Variants in PLXDC2 observed in about 807,000 individuals in gnomAD.
The protein encoded by PLXDC2 is plexin domain-containing protein 2.
PLXDC2 carries 40 observed loss-of-function variants against 68.9 expected under a neutral mutation model. The observed-to-expected ratio is 0.58, with a 90% CI of 0.45 to 0.76. PLXDC2 has a LOEUF of 0.76. PLXDC2 is among the 30% of genes least tolerant of loss of function. The probability of loss-of-function intolerance (pLI) is 0.00; values close to 1 mark genes in which losing one functional copy is unlikely to be tolerated. For missense variants in PLXDC2, 644 were observed against 661.9 expected (o/e 0.97, Z 0.30); for synonymous variants, 243 against 234.2 (o/e 1.04, Z -0.34).
chr10:20,276,423 G>C (rs1836007781), intron 13 of PLXDC2, among the ~76,000 whole-genome samples: 1 of 152,180 alleles, frequency 6.6e-6, no homozygotes. Context: ...ACTGAAGCAA[G>C]AATTAGGGAG....
At chr10:20,004,623 T>C (rs1834996604) in intron 2 of PLXDC2, among the ~76,000 whole-genome samples, 1 of 152,160 alleles carries the variant, frequency 6.6e-6, no homozygotes, top group African/African-American at 2.4e-5. Context: ...CCTAAGTATG[T>C]AAAGACTTTT....
At chr10:20,243,783 G>A (rs1835551263) in intron 12 of PLXDC2, among the ~76,000 whole-genome samples, 2 of 152,252 alleles carry the variant, frequency 1.3e-5, no homozygotes, top group South Asian at 2.1e-4. Context: ...TTGAGGCCGG[G>A]TGCAAAGGCT....
chr10:20,143,446 G>T lies in PLXDC2; in HGVS notation c.664+29G>T, dbSNP rs1834032712. 2.5e-6 allele frequency: 4 copies of T among 1,608,620 alleles called. No individual in the cohort carries two copies. In the African/African-American group the frequency reaches 5.4e-5, roughly 22 times the overall value. On this transcript the variant is annotated intron_variant, in intron 5 of 13. Coordinates refer to ENST00000377252, the MANE Select transcript of PLXDC2 (RefSeq NM_032812.9). ...TGTGTTGAGTAGCCTATTTTTTGCT[G>T]CATGTATATTTTTAAACCTCAAGCA...
intron 4 of PLXDC2, among the ~76,000 whole-genome samples, chr10:20,098,346 C>CGCGTGTGTGTGT (rs1554766417): frequency 9.7e-6 from 1 of 103,060 alleles, no homozygotes; most frequent in African/African-American, 3.3e-5. Context: ...CATTTTCGTG[C>CGCGTGTGTGTGT]GTGTGTGTGT....
intron 1 of PLXDC2, among the ~76,000 whole-genome samples, chr10:19,973,231 T>C (rs1201354022): frequency 1.3e-5 from 2 of 150,030 alleles, no homozygotes; most frequent in African/African-American, 4.9e-5. Context: ...CGTATATATA[T>C]GTATATACAC....
chr10:20,275,434 T>C (rs1835993551), intron 13 of PLXDC2, among the ~76,000 whole-genome samples: 1 of 152,118 alleles, frequency 6.6e-6, no homozygotes, highest in South Asian at 2.1e-4. Flanking sequence ...GATTTAGTTC[T>C]GTAGTTTCCA....
chr10:20,012,480 T>A (rs1444279910), intron 2 of PLXDC2, among the ~76,000 whole-genome samples: 1 of 128,936 alleles, frequency 7.8e-6, no homozygotes, highest in African/African-American at 2.6e-5. Flanking sequence ...CACGCCCAGC[T>A]TTTTTTTTTT....
rs765929143 is a variant in PLXDC2 at position 20,245,350 on chromosome 10, A to G, written c.1318A>G (p.Thr440Ala). ...CAGCTGGGATGTTCTTTCAGCTTCT[A>G]CAGATGACAGTGCAGCTGAGAAGAA... ...ALHLKDNGAS[T>A]DDSAAEKKGG... The change falls in exon 13 of 14, where the codon ACA becomes GCA. Residue 440 changes from threonine to alanine, a missense_variant. Physicochemically the swap from Thr to Ala is moderately conservative, Grantham distance 58 (BLOSUM62 0). Around this residue, in one of 3 missense-constraint regions of PLXDC2, gnomAD observed 330 missense variants for 327.9 expected, o/e 1.01. Transcript: ENST00000377252. 43 of 1,610,546 alleles carry G rather than the reference A, an allele frequency of 2.7e-5. No individual in the cohort carries two copies. The East Asian group carries it at 9.4e-4, about 35-fold the overall frequency.
intron 1 of PLXDC2, among the ~76,000 whole-genome samples, chr10:19,851,899 C>T (rs1191249929): frequency 6.6e-6 from 1 of 152,092 alleles, no homozygotes; most frequent in East Asian, 1.9e-4. Flanking sequence ...TGAGTGAAAA[C>T]CAGCAGATGG....
chr10:20,278,048 C>T (rs1011766105), intron 13 of PLXDC2, among the ~76,000 whole-genome samples: 8 of 152,178 alleles, frequency 5.3e-5, no homozygotes, highest in Non-Finnish European at 1.0e-4. Flanking sequence ...CTGAAGAGTA[C>T]TCCTTTGTGT....
chr10:19,936,385 A>G (rs1177413606), intron 1 of PLXDC2, among the ~76,000 whole-genome samples: 2 of 152,228 alleles, frequency 1.3e-5, no homozygotes, highest in Non-Finnish European at 2.9e-5. Context: ...TTTAGAGGCT[A>G]TAGAGACTCT....
chr10:20,157,685 A>G (rs1430348229), intron 6 of PLXDC2, among the ~76,000 whole-genome samples: 2 of 152,118 alleles, frequency 1.3e-5, no homozygotes, highest in African/African-American at 4.8e-5. Context: ...TACCCCTGAC[A>G]TCTTTTCCTG....
At chr10:19,826,814 A>C (rs1210462561) in intron 1 of PLXDC2, among the ~76,000 whole-genome samples, 1 of 152,198 alleles carries the variant, frequency 6.6e-6, no homozygotes, top group Non-Finnish European at 1.5e-5. Context: ...GAGTAAATAT[A>C]GCTCCTGTAT....
At chr10:20,090,322 C>T (rs542193880) in intron 4 of PLXDC2, among the ~76,000 whole-genome samples, 1 of 152,140 alleles carries the variant, frequency 6.6e-6, no homozygotes, top group Non-Finnish European at 1.5e-5. Context: ...AAAGCAACAC[C>T]CTTATGTTCA....
At chr10:20,142,865 GC>G (rs1834024918) in intron 4 of PLXDC2, among the ~76,000 whole-genome samples, 1 of 151,826 alleles carries the variant, frequency 6.6e-6, no homozygotes, top group Admixed American at 6.6e-5. Flanking sequence ...AAATTCCTAT[GC>G]TGAGATGGTA....
At chr10:20,272,226 A>G (rs1419262053) in intron 13 of PLXDC2, among the ~76,000 whole-genome samples, 1 of 152,182 alleles carries the variant, frequency 6.6e-6, no homozygotes, top group Non-Finnish European at 1.5e-5. Flanking sequence ...TTTGAAATGA[A>G]TTATTCCTTT....
In PLXDC2 at chr10:20,285,919, TTTGA is replaced by T. The variant is rs1480796950; in HGVS notation, c.*6103_*6106del. On this transcript the variant is annotated 3_prime_UTR_variant, in exon 14 of 14. Coordinates refer to ENST00000377252, the MANE Select transcript of PLXDC2 (RefSeq NM_032812.9). ...ATAACATGGTATTACTTCTTAAGGTTTTGATTAAGTTGATCTAGCCTCAACTTAA... is the reference window on the plus strand; with the variant it reads ...ATAACATGGTATTACTTCTTAAGGTTTTAAGTTGATCTAGCCTCAACTTAA... 6.6e-6 allele frequency: 1 copy of T among 152,178 alleles called. No individual in the cohort carries two copies. The highest frequency in any genetic ancestry group is 1.5e-5 in the Non-Finnish European group (1 of 68,032). 9.4% of individuals were successfully genotyped at this position (152,178 alleles called of 1,614,324 possible). A position where few individuals can be genotyped will look rare whatever the true frequency, so the allele number is the denominator to read the frequency against.
chr10:20,045,945 T>A (rs1362863602), intron 2 of PLXDC2, among the ~76,000 whole-genome samples: 2 of 152,092 alleles, frequency 1.3e-5, no homozygotes, highest in African/African-American at 4.8e-5. Flanking sequence ...CATTTACATC[T>A]CCTCACTGAG....
chr10:20,053,625 C>A (rs895598552), intron 3 of PLXDC2, among the ~76,000 whole-genome samples: 4 of 152,044 alleles, frequency 2.6e-5, no homozygotes, highest in Non-Finnish European at 5.9e-5. Context: ...TAATTTATTT[C>A]TGGACACACA....
Sources: gnomAD v4.1 joint callset for allele counts (sites outside exome capture counted in the v4.1 genomes callset) on GRCh38, gnomAD v4.1.1 for gene constraint, gnomAD v4.1.1 regional missense constraint, MANE v1.5 for transcripts, NCBI Gene and HGNC (gene_info 2026-07-23, HGNC 2026-07-21) for gene names.